Variants in SMURF1 observed in about 807,000 individuals in gnomAD.
SMURF1 encodes SMAD specific E3 ubiquitin protein ligase 1.
In SMURF1, 44 loss-of-function variants were observed where a neutral mutation model predicts 98.0. That is an observed-to-expected ratio of 0.45 (90% CI 0.35 to 0.58). SMURF1 has a LOEUF of 0.58. SMURF1 is among the 20% of genes least tolerant of loss of function. The probability of loss-of-function intolerance (pLI) is 0.00; values close to 1 mark genes in which losing one functional copy is unlikely to be tolerated. For missense variants in SMURF1, 687 were observed against 938.4 expected (o/e 0.73, Z 3.50); for synonymous variants, 396 against 374.9 (o/e 1.06, Z -0.65).
chr7:99,108,902 A>G (rs939612794), intron 1 of SMURF1, among the ~76,000 whole-genome samples: 5 of 152,130 alleles, frequency 3.3e-5, no homozygotes, highest in African/African-American at 4.8e-5. Flanking sequence ...TCCTAATATG[A>G]TATTAAGCTA....
At chr7:99,057,396 C>T in intron 4 of SMURF1, 22 bp downstream of exon 4, 3 of 1,612,422 alleles carry the variant, frequency 1.9e-6, no homozygotes, top group Non-Finnish European at 2.5e-6. Context: ...CATTAAGAGG[C>T]AGGAAAGTGT....
At chr7:99,033,221 C>T (rs1401855700) in intron 16 of SMURF1, 100 bp from the exon 17 acceptor site, 3 of 1,180,848 alleles carry the variant, frequency 2.5e-6, no homozygotes, top group South Asian at 2.7e-5. Flanking sequence ...ACATTCCCAC[C>T]CCCACACCCA....
intron 1 of SMURF1, among the ~76,000 whole-genome samples, chr7:99,085,169 G>A (rs1796652558): frequency 6.6e-6 from 1 of 151,862 alleles, no homozygotes; most frequent in Non-Finnish European, 1.5e-5. Context: ...TGGCCAACAT[G>A]GCTAAACCCC....
intron 1 of SMURF1, chr7:99,121,147 A>C (rs1369674795): frequency 6.7e-6 from 1 of 148,208 alleles, no homozygotes; most frequent in Admixed American, 6.9e-5. Context: ...TCTACTTACC[A>C]GTTCTGTTTC....
Position 99,082,186 on chromosome 7 carries a change from AC to A in SMURF1, c.56-20350del, listed in dbSNP as rs150981984. On this transcript the variant is annotated intron_variant, in intron 1 of 17. Coordinates refer to ENST00000361368, the MANE Select transcript of SMURF1 (RefSeq NM_181349.3). ...GTTCTTTATATATTTTAGAGACAAG[AC>A]CCTTTTCAAACATAATTTGCAAACA... Among the ~76,000 whole-genome samples, 73 of 152,250 alleles carry A rather than the reference AC, an allele frequency of 4.8e-4. 1 individual carries two copies. Among genetic ancestry groups the A allele is most frequent in the Admixed American group, 1.0e-3 (16 of 15,306 alleles).
In SMURF1 at chr7:99,030,096, A is replaced by G. The variant is rs918610435; in HGVS notation, c.*488T>C. On this transcript the variant is annotated 3_prime_UTR_variant, in exon 18 of 18. Transcript: ENST00000361368. ...ACCCAGAACCGGCTGCTGGGATGTG[A>G]AATCTGGAATCTGAGCTCTGATAAG... is the stretch of plus-strand genomic sequence containing the variant. The G allele has an allele frequency of 6.4e-6, 1 of 155,058 alleles. No individual in the cohort carries two copies. The highest frequency in any genetic ancestry group is 2.4e-5 in the African/African-American group (1 of 41,494). The allele number at this position is 155,058 out of a possible 1,614,324, so 9.6% of individuals were successfully genotyped here. A position where few individuals can be genotyped will look rare whatever the true frequency, so the allele number is the denominator to read the frequency against.
intron 1 of SMURF1, among the ~76,000 whole-genome samples, chr7:99,094,018 A>C (rs73709546): frequency 0.017 from 2,654 of 152,252 alleles, 82 homozygotes; most frequent in African/African-American, 0.06. Flanking sequence ...AATTAAAAGA[A>C]ATTATTTGAA....
rs889783062 is a variant in SMURF1 at position 99,028,421 on chromosome 7, G to C, written c.*2163C>G. 2 of 152,334 alleles carry C rather than the reference G, an allele frequency of 1.3e-5. No individual in the cohort carries two copies. The highest frequency in any genetic ancestry group is 2.4e-5 in the African/African-American group (1 of 41,454). The allele number at this position is 152,334 out of a possible 1,614,324, so 9.4% of individuals were successfully genotyped here. On this transcript the variant is annotated 3_prime_UTR_variant, in exon 18 of 18. Transcript: ENST00000361368. ...ACACGCAGGTAGAAGTGGAAAAGCA[G>C]AGACGGAGGCCAGGATGGGAACGCG...
intron 1 of SMURF1, among the ~76,000 whole-genome samples, chr7:99,073,573 T>C (rs1274865652): frequency 6.6e-6 from 1 of 151,918 alleles, no homozygotes; most frequent in Non-Finnish European, 1.5e-5. Flanking sequence ...GAGACCAGCC[T>C]GGCCAACATG....
In SMURF1 at chr7:99,035,596, C is replaced by T. The variant is rs1190159222; in HGVS notation, c.1930G>A (p.Asp644Asn). 1.9e-6 allele frequency: 3 copies of T among 1,614,230 alleles called. No individual in the cohort carries two copies. Among genetic ancestry groups the T allele is most frequent in the Non-Finnish European group, 2.5e-6 (3 of 1,180,038 alleles). ...RWFWQAVETF[D>N]EERRARLLQF... is the part of the protein sequence containing the mutation. ...AGGAGCCTGGCCCTCCTTTCTTCAT[C>T]GAACGTCTCCACCGCTTGCCAGAAC... Residue 644 changes from aspartate (D) to asparagine (N), a missense_variant, in exon 16 of 18, where the codon GAT becomes AAT. Physicochemically the swap from Asp to Asn is conservative, Grantham distance 23 (BLOSUM62 1). This residue lies in a region of SMURF1 where 272 missense variants were observed against 430.0 expected (regional missense o/e 0.63). Transcript: ENST00000361368.
intron 5 of SMURF1, 85 bp downstream of exon 5, chr7:99,057,120 G>T: frequency 7.0e-7 from 1 of 1,436,382 alleles, no homozygotes; most frequent in Non-Finnish European, 9.8e-7. Context: ...AGCATCGTCA[G>T]TGCCTGTATG....
chr7:99,044,784 C>G (rs907031697), intron 11 of SMURF1, among the ~76,000 whole-genome samples: 2 of 152,158 alleles, frequency 1.3e-5, no homozygotes, highest in African/African-American at 4.8e-5. Context: ...GCCCATAAAT[C>G]ATTAAATCCG....
intron 1 of SMURF1, among the ~76,000 whole-genome samples, chr7:99,123,492 C>T (rs1319292215): frequency 6.6e-6 from 1 of 152,138 alleles, no homozygotes; most frequent in Non-Finnish European, 1.5e-5. Context: ...TATGATTGCA[C>T]CGCTGCACTC....
At chr7:99,133,385 TA>T (rs1797916061) in intron 1 of SMURF1, among the ~76,000 whole-genome samples, 1 of 147,372 alleles carries the variant, frequency 6.8e-6, no homozygotes, top group African/African-American at 2.5e-5. Flanking sequence ...ACTTCAAAAT[TA>T]AAAAAGAAAA....
At chr7:99,037,697 G>A (rs146176032) in intron 14 of SMURF1, among the ~76,000 whole-genome samples, 24 of 152,254 alleles carry the variant, frequency 1.6e-4, no homozygotes, top group Admixed American at 1.0e-3. Context: ...GATTCATTCC[G>A]ATTTGCTCGC....
intron 1 of SMURF1, among the ~76,000 whole-genome samples, chr7:99,079,485 A>G (rs1796537200): frequency 6.6e-6 from 1 of 152,260 alleles, no homozygotes; most frequent in Non-Finnish European, 1.5e-5. Context: ...AAGTCACCTC[A>G]TGAAAGAAAG....
At chr7:99,143,597 C>G (rs1798194486) in intron 1 of SMURF1, 129 bp downstream of exon 1, 1 of 707,410 alleles carries the variant, frequency 1.4e-6, no homozygotes, top group Non-Finnish European at 2.1e-6. Context: ...GGGCGCACGC[C>G]GAAGGGGGTG....
intron 1 of SMURF1, among the ~76,000 whole-genome samples, chr7:99,118,627 G>T (rs1312297598): frequency 6.6e-6 from 1 of 152,170 alleles, no homozygotes; most frequent in Non-Finnish European, 1.5e-5. Context: ...TAGTTGTAAA[G>T]CCTAGGGTTG....
chr7:99,045,076 C>G, intron 11 of SMURF1, among the ~76,000 whole-genome samples: 1 of 151,832 alleles, frequency 6.6e-6, no homozygotes, highest in East Asian at 1.9e-4. Flanking sequence ...GAGGTTGAGG[C>G]TGCAGTGAGC....
Sources: gnomAD v4.1 joint callset for allele counts (sites outside exome capture counted in the v4.1 genomes callset) on GRCh38, gnomAD v4.1.1 for gene constraint, gnomAD v4.1.1 regional missense constraint, MANE v1.5 for transcripts, NCBI Gene and HGNC (gene_info 2026-07-23, HGNC 2026-07-21) for gene names.